The following LTBP1 variants were observed in gnomAD, a reference collection of about 807,000 sequenced individuals.
LTBP1 encodes latent transforming growth factor beta binding protein 1.
In LTBP1, 129 loss-of-function variants were observed where a neutral mutation model predicts 207.6. The ratio of observed to expected loss-of-function variants is 0.62; its 90% CI spans 0.54 to 0.72. The LOEUF (loss-of-function observed/expected upper bound fraction) is 0.72. Ranked by LOEUF, LTBP1 falls within the 30% of genes least tolerant of loss-of-function variation. The pLI is 0.00. For missense variants in LTBP1, 2,281 were observed against 2,217.2 expected, an observed-to-expected ratio of 1.03 and a Z score of -0.58; for synonymous variants, 963 against 833.7, an observed-to-expected ratio of 1.16 and a Z score of -2.67.
At chr2:33,318,227 A>G (rs1285333991) in intron 24 of LTBP1, among the ~76,000 whole-genome samples, 1 of 152,176 alleles carries the variant, frequency 6.6e-6, no homozygotes, top group Non-Finnish European at 1.5e-5. Flanking sequence ...GTACTCTGGG[A>G]TAGATAGCTG....
chr2:33,221,009 A>G (rs925476693), intron 8 of LTBP1, among the ~76,000 whole-genome samples: 2 of 152,134 alleles, frequency 1.3e-5, no homozygotes, highest in Non-Finnish European at 2.9e-5. Flanking sequence ...TTAAGAGAAA[A>G]TTTCCCTTTT....
At chr2:33,183,138 T>C (rs570265601) in intron 5 of LTBP1, among the ~76,000 whole-genome samples, 2 of 152,346 alleles carry the variant, frequency 1.3e-5, no homozygotes, top group South Asian at 4.1e-4. Context: ...TGATCCAAAG[T>C]TGTGAAATAC....
At chr2:33,326,829 T>C (rs2094434684) in intron 24 of LTBP1, among the ~76,000 whole-genome samples, 1 of 151,994 alleles carries the variant, frequency 6.6e-6, no homozygotes, top group Non-Finnish European at 1.5e-5. Context: ...TGGCTAACTT[T>C]TGTATTTTCT....
rs146256014 is a variant in LTBP1, at chr2:33,099,691, T to C, written c.864-10891T>C. Among the ~76,000 whole-genome samples, 653 of 152,298 alleles carry C rather than the reference T, an allele frequency of 4.3e-3. 2 individuals are homozygous for C. The highest frequency in any genetic ancestry group is 0.015 in the African/African-American group (635 of 41,562). ...TTCCCAGATCCTGTGTAGTACTGTT[T>C]ATTCTTCCCCTGTGTTGAGCACCAT... On this transcript the variant is annotated intron_variant, in intron 3 of 33. Coordinates refer to ENST00000404816, the MANE Select transcript of LTBP1 (RefSeq NM_206943.4).
At chr2:33,241,842 G>A (rs910573588) in intron 9 of LTBP1, among the ~76,000 whole-genome samples, 1 of 152,116 alleles carries the variant, frequency 6.6e-6, no homozygotes, top group Non-Finnish European at 1.5e-5. Flanking sequence ...CTTCATGGTG[G>A]TTTTCTTAAA....
At chr2:33,341,779 A>T (rs1425042928) in intron 24 of LTBP1, among the ~76,000 whole-genome samples, 5 of 148,660 alleles carry the variant, frequency 3.4e-5, no homozygotes, top group Admixed American at 1.3e-4. Context: ...AAAAGAGAAA[A>T]TGCTCAATTT....
At chr2:33,127,953 C>T (rs971617199) in intron 4 of LTBP1, among the ~76,000 whole-genome samples, 13 of 152,126 alleles carry the variant, frequency 8.5e-5, no homozygotes, top group African/African-American at 3.1e-4. Context: ...TAGGTTGGAC[C>T]TAGGTAGGAA....
intron 9 of LTBP1, among the ~76,000 whole-genome samples, chr2:33,235,361 C>T (rs961741248): frequency 4.6e-5 from 7 of 152,126 alleles, no homozygotes; most frequent in African/African-American, 7.2e-5. Context: ...TACCATCTCA[C>T]GTCAGTTAGA....
chr2:33,384,279 A>G (rs915341517), intron 31 of LTBP1, among the ~76,000 whole-genome samples: 4 of 152,204 alleles, frequency 2.6e-5, no homozygotes, highest in Admixed American at 6.5e-5. Flanking sequence ...AATGTGATCA[A>G]TGGCCTGGAT....
intron 3 of LTBP1, among the ~76,000 whole-genome samples, chr2:33,067,027 A>G (rs1451316384): frequency 6.6e-6 from 1 of 152,188 alleles, no homozygotes; most frequent in East Asian, 1.9e-4. Flanking sequence ...ATTTAAAAAA[A>G]GCCAGGCATG....
At chr2:33,282,393 C>T (rs2093577455) in intron 19 of LTBP1, among the ~76,000 whole-genome samples, 1 of 152,112 alleles carries the variant, frequency 6.6e-6, no homozygotes, top group Admixed American at 6.5e-5. Context: ...ACTTGCAGCT[C>T]TTCTAAATTT....
intron 20 of LTBP1, among the ~76,000 whole-genome samples, chr2:33,297,925 G>T (rs1156682719): frequency 6.6e-6 from 1 of 151,994 alleles, no homozygotes; most frequent in South Asian, 2.1e-4. Context: ...AAGAGTATAG[G>T]CCAGAATCCT....
chr2:33,188,933 A>G, intron 7 of LTBP1, 82 bp downstream of exon 7: 10 of 1,473,468 alleles, frequency 6.8e-6, no homozygotes, highest in Non-Finnish European at 9.1e-6. Context: ...CTTGATAAAA[A>G]TGCTTTTTTA....
intron 4 of LTBP1, among the ~76,000 whole-genome samples, chr2:33,124,099 T>A (rs2081305168): frequency 6.6e-6 from 1 of 152,288 alleles, no homozygotes; most frequent in East Asian, 1.9e-4. Context: ...ACAAGAGGTG[T>A]TTAGCTTAAC....
chr2:33,306,443 G>A (rs566561771), intron 22 of LTBP1, among the ~76,000 whole-genome samples: 58 of 152,158 alleles, frequency 3.8e-4, no homozygotes, highest in Non-Finnish European at 6.6e-4. Flanking sequence ...GGTGGCAGGC[G>A]CCTGTAATCC....
intron 19 of LTBP1, among the ~76,000 whole-genome samples, chr2:33,287,254 A>G (rs945052323): frequency 5.3e-5 from 8 of 152,226 alleles, no homozygotes; most frequent in African/African-American, 1.9e-4. Flanking sequence ...CTGTAGTACA[A>G]GTGTGGAAAT....
chr2:33,057,394 C>G (rs178131), intron 3 of LTBP1, among the ~76,000 whole-genome samples: 76,679 of 152,100 alleles, frequency 0.5, 21,703 homozygotes, highest in East Asian at 0.64. Context: ...GGCCGCAGGT[C>G]GAGCTGCCTG....
At chr2:33,207,972 C>T (rs547886400) in intron 7 of LTBP1, among the ~76,000 whole-genome samples, 4 of 152,288 alleles carry the variant, frequency 2.6e-5, no homozygotes, top group South Asian at 2.1e-4. Context: ...AGAGGAAAGA[C>T]GAAGTTTGGA....
At chr2:33,276,209 C>G (rs1410100812) in intron 18 of LTBP1, among the ~76,000 whole-genome samples, 1 of 152,212 alleles carries the variant, frequency 6.6e-6, no homozygotes, top group Non-Finnish European at 1.5e-5. Context: ...AGTAGAAACA[C>G]AGACTTAATT....
Sources: gnomAD v4.1 joint callset for allele counts (sites outside exome capture counted in the v4.1 genomes callset) on GRCh38, gnomAD v4.1.1 for gene constraint, MANE v1.5 for transcripts, NCBI Gene and HGNC (gene_info 2026-07-23, HGNC 2026-07-21) for gene names.